Variants in FRMD6 observed in about 807,000 individuals in gnomAD.
FRMD6 encodes the protein FERM domain containing 6.
A neutral mutation model predicts 73.2 loss-of-function variants in FRMD6; 37 were observed. The ratio of observed to expected loss-of-function variants is 0.51; its 90% CI spans 0.39 to 0.66. The LOEUF is 0.66. FRMD6 is among the 30% of genes least tolerant of loss of function. The pLI is 0.00. For missense variants in FRMD6, 714 were observed against 780.5 expected, an observed-to-expected ratio of 0.91 and a Z score of 1.02; for synonymous variants, 273 against 282.2, an observed-to-expected ratio of 0.97 and a Z score of 0.33.
chr14:51,436,892 G>A, the FRMD6 span: 1 of 940,500 alleles, frequency 1.1e-6, no homozygotes, highest in South Asian at 1.4e-5. Flanking sequence ...AGAAGGGGAT[G>A]AGGATGAAGG....
chr14:51,426,784 C>T, the FRMD6 span, among the ~76,000 whole-genome samples: 13,161 of 152,182 alleles, frequency 0.086, 603 homozygotes, highest in East Asian at 0.12. Flanking sequence ...AGCTTCTCTG[C>T]TACCTTCCTT....
At chr14:51,470,706 T>A in the FRMD6 span, among the ~76,000 whole-genome samples, 2 of 152,386 alleles carry the variant, frequency 1.3e-5, no homozygotes, top group East Asian at 3.8e-4. Context: ...GTACATTGTA[T>A]CTTCATTCAG....
At chr14:51,648,049 T>C (rs1247441337), upstream of FRMD6, among the ~76,000 whole-genome samples, 2 of 152,180 alleles carry the variant, frequency 1.3e-5, no homozygotes, top group Non-Finnish European at 2.9e-5. Flanking sequence ...GGTCTCGAAC[T>C]CCTGACCTCA....
chr14:51,671,246 G>GCATTTC (rs2140239844), intron 1 of FRMD6, among the ~76,000 whole-genome samples: 1 of 152,012 alleles, frequency 6.6e-6, no homozygotes, highest in Non-Finnish European at 1.5e-5. Context: ...GGAAATGATG[G>GCATTTC]CCTCATAGAA....
rs141578540 is a variant in FRMD6 at position 51,616,256 on chromosome 14, G to C, written c.-147+45846G>C. On this transcript the variant is annotated intron_variant, in intron 2 of 14. Coordinates refer to the FRMD6 transcript ENST00000356218. ...TCTAATCCTCGGCTGTACACTTACC[G>C]GGGTTATCTAGGGAGCTTTAAAAAA... 1.0e-2 allele frequency among the ~76,000 whole-genome samples: 1,519 copies of C among 152,226 alleles called. 11 individuals are homozygous for C. Among genetic ancestry groups the C allele is most frequent in the Non-Finnish European group, 0.015 (1,028 of 68,012 alleles).
chr14:51,587,459 T>C (rs1043306155), intron 2 of FRMD6, among the ~76,000 whole-genome samples: 1 of 152,222 alleles, frequency 6.6e-6, no homozygotes, highest in Non-Finnish European at 1.5e-5. Context: ...TGGTGCGAAA[T>C]TGACCAACCC....
At chr14:51,564,682 A>G (rs1887680614) in intron 1 of FRMD6, among the ~76,000 whole-genome samples, 1 of 152,200 alleles carries the variant, frequency 6.6e-6, no homozygotes, top group Admixed American at 6.5e-5. Context: ...CTCTTTTGGA[A>G]AGGCCTCGGG....
At chr14:51,638,544 A>G (rs370187567) in intron 2 of FRMD6, among the ~76,000 whole-genome samples, 1 of 152,134 alleles carries the variant, frequency 6.6e-6, no homozygotes, top group Non-Finnish European at 1.5e-5. Context: ...TCCCGCAATG[A>G]TAGGGACTGA....
chr14:51,722,479 T>C (rs1423260241), intron 12 of FRMD6, among the ~76,000 whole-genome samples: 1 of 152,170 alleles, frequency 6.6e-6, no homozygotes, highest in Non-Finnish European at 1.5e-5. Context: ...GAAACAGAAG[T>C]AGGCCTCCAG....
chr14:51,411,462 A>G, the FRMD6 span, among the ~76,000 whole-genome samples: 1 of 152,134 alleles, frequency 6.6e-6, no homozygotes, highest in Non-Finnish European at 1.5e-5. Flanking sequence ...CTTGAGCACT[A>G]AGCAAAATCC....
intron 1 of FRMD6, among the ~76,000 whole-genome samples, chr14:51,567,609 G>A (rs1019809512): frequency 2.0e-5 from 3 of 152,186 alleles, no homozygotes; most frequent in African/African-American, 7.2e-5. Flanking sequence ...CAAAGTGGTA[G>A]GATTACAGAT....
At chr14:51,720,032 G>A in intron 10 of FRMD6, 23 bp from the exon 11 acceptor site, 1 of 1,581,184 alleles carries the variant, frequency 6.3e-7, no homozygotes, top group Non-Finnish European at 8.6e-7. Flanking sequence ...CTTGGTTAAT[G>A]AACTGTGTTC....
chr14:51,403,525 C>T, the FRMD6 span, among the ~76,000 whole-genome samples: 1 of 152,114 alleles, frequency 6.6e-6, no homozygotes, highest in African/African-American at 2.4e-5. Context: ...TTCAGCCTCC[C>T]TGGTAGCTAG....
chr14:51,595,868 T>G (rs1889686213), intron 2 of FRMD6, among the ~76,000 whole-genome samples: 1 of 152,246 alleles, frequency 6.6e-6, no homozygotes. Flanking sequence ...AATTAATTAA[T>G]GGTATTCTAA....
intron 2 of FRMD6, among the ~76,000 whole-genome samples, chr14:51,628,790 G>GC (rs1194016468): frequency 5.3e-5 from 4 of 75,766 alleles, no homozygotes; most frequent in Non-Finnish European, 9.1e-5. Context: ...GACAGAGCAA[G>GC]ACTCTGTCTC....
At chr14:51,697,978 A>G (rs914846756) in intron 2 of FRMD6, 164 bp from the exon 3 acceptor site, 9 of 539,036 alleles carry the variant, frequency 1.7e-5, no homozygotes, top group African/African-American at 1.5e-4. Flanking sequence ...CATTACTGAA[A>G]CACAACCCCA....
At chr14:51,554,931 A>G (rs1315365775) in intron 1 of FRMD6, 1 of 152,256 alleles carries the variant, frequency 6.6e-6, no homozygotes, top group East Asian at 1.9e-4. Flanking sequence ...GAACCTGGGC[A>G]CATGGTACAT....
intron 2 of FRMD6, among the ~76,000 whole-genome samples, chr14:51,581,157 A>G (rs953697777): frequency 1.3e-5 from 2 of 152,080 alleles, no homozygotes; most frequent in Non-Finnish European, 2.9e-5. Flanking sequence ...CACTAATATC[A>G]TGTAACCTGC....
chr14:51,454,200 C>T, the FRMD6 span, among the ~76,000 whole-genome samples: 12 of 152,164 alleles, frequency 7.9e-5, no homozygotes, highest in African/African-American at 2.4e-4. Flanking sequence ...CAACTAGGAG[C>T]GGAGCCACGT....
Sources: allele counts gnomAD v4.1 joint callset (sites outside exome capture counted in the v4.1 genomes callset), GRCh38; gene constraint gnomAD v4.1.1; transcripts MANE v1.5; gene names NCBI Gene and HGNC (gene_info 2026-07-23, HGNC 2026-07-21).